SHISAL1: variants seen among roughly 807,000 people sequenced by gnomAD.
The protein encoded by SHISAL1 is protein shisa-like-1.
In SHISAL1, 9 loss-of-function variants were observed where a neutral mutation model predicts 22.6. The ratio of observed to expected loss-of-function variants is 0.40; its 90% CI spans 0.24 to 0.70. SHISAL1 has a LOEUF of 0.70. Among genes scored for constraint, SHISAL1 ranks in the 30% least tolerant of loss-of-function variants. SHISAL1 has a pLI of 0.39. For missense variants in SHISAL1, 246 were observed against 270.6 expected (o/e 0.91, Z 0.64); for synonymous variants, 119 against 115.4 (o/e 1.03, Z -0.20).
At chr22:44,270,301 G>A (rs1234680543) in intron 4 of SHISAL1, among the ~76,000 whole-genome samples, 4 of 152,340 alleles carry the variant, frequency 2.6e-5, no homozygotes, top group Non-Finnish European at 4.4e-5. Context: ...CATGGCTTTG[G>A]GGAGGAGGTA....
chr22:44,283,291 T>C (rs1213930397), intron 4 of SHISAL1, among the ~76,000 whole-genome samples: 1 of 152,202 alleles, frequency 6.6e-6, no homozygotes, highest in Non-Finnish European at 1.5e-5. Context: ...ACGAAGAGCC[T>C]CTGAGCTCCA....
At chr22:44,257,371 T>G (rs1336983352) in intron 4 of SHISAL1, among the ~76,000 whole-genome samples, 1 of 152,164 alleles carries the variant, frequency 6.6e-6, no homozygotes, top group African/African-American at 2.4e-5. Flanking sequence ...CAGAGACCAA[T>G]CAGGCTCAGA....
In SHISAL1 at chr22:44,265,123, C is replaced by T. The variant is rs527619771; in HGVS notation, c.*-15438G>A. On this transcript the variant is annotated intron_variant, in intron 4 of 4. Transcript: ENST00000381176. ...TGATTCTACATTGAGGCCTGTGGTA[C>T]GCAGCCCTAAGATGGCCTCCAAAGA... Among the ~76,000 whole-genome samples the T allele has an allele frequency of 5.9e-5, 9 of 152,288 alleles. No individual in the cohort carries two copies. In the South Asian group the frequency reaches 1.0e-3, roughly 18 times the overall value.
chr22:44,312,225 C>A (rs901226068), intron 1 of SHISAL1, among the ~76,000 whole-genome samples: 2 of 152,194 alleles, frequency 1.3e-5, no homozygotes, highest in African/African-American at 4.8e-5. Context: ...ATTCATTCAT[C>A]TATTCACTTA....
At chr22:44,316,590 A>T (rs992219145), upstream of SHISAL1, among the ~76,000 whole-genome samples, 1 of 152,118 alleles carries the variant, frequency 6.6e-6, no homozygotes, top group Non-Finnish European at 1.5e-5. Flanking sequence ...TTCCAATAAA[A>T]CTTTATTCAC....
intron 4 of SHISAL1, among the ~76,000 whole-genome samples, chr22:44,273,170 G>A (rs560599576): frequency 6.6e-6 from 1 of 152,306 alleles, no homozygotes; most frequent in African/African-American, 2.4e-5. Context: ...GTGAGATTAT[G>A]TGAGGAGGTA....
At chr22:44,266,530 G>GTA (rs1555926276) in intron 4 of SHISAL1, among the ~76,000 whole-genome samples, 1 of 124,126 alleles carries the variant, frequency 8.1e-6, no homozygotes, top group African/African-American at 4.5e-5. Context: ...TTTGGGGTAT[G>GTA]TGTGTGTGTG....
chr22:44,285,564 C>T lies in SHISAL1; in HGVS notation c.463G>A (p.Ala155Thr). The stretch of plus-strand genomic sequence containing the variant: ...GGGGCCCGCTGACCCGGCCGAGGGG[C>T]CCGAGCGGGGTTCCCCCACCGCCGG... ...DPRRWGNPAR[A>T]PRPGQRAPQP... is the part of the protein sequence containing the mutation. The change falls in exon 4 of 5, where the codon GCC becomes ACC. Residue 155 changes from alanine to threonine, a missense_variant. By Grantham distance (58) the Ala-to-Thr change is moderately conservative. Transcript: ENST00000381176. 6.2e-7 allele frequency: 1 copy of T among 1,610,636 alleles called. No homozygotes were observed. Among genetic ancestry groups the T allele is most frequent in the Non-Finnish European group, 8.5e-7 (1 of 1,177,130 alleles).
the SHISAL1 span, among the ~76,000 whole-genome samples, chr22:44,318,881 C>T: frequency 6.6e-6 from 1 of 152,240 alleles, no homozygotes; most frequent in African/African-American, 2.4e-5. Flanking sequence ...TCATATGTGG[C>T]AGACTTGGGA....
chr22:44,270,559 C>A lies in SHISAL1; in HGVS notation c.599+14869G>T, dbSNP rs374532008. Among the ~76,000 whole-genome samples the A allele has an allele frequency of 2.1e-4, 32 of 152,244 alleles. No homozygotes were observed. The East Asian group carries it at 3.3e-3, about 16-fold the overall frequency. On this transcript the variant is annotated intron_variant, in intron 4 of 4. Coordinates refer to ENST00000381176, the MANE Select transcript of SHISAL1 (RefSeq NM_001099294.2). The stretch of plus-strand genomic sequence containing the variant: ...GGACCTTGGAGGCTTACAGAAGGGA[C>A]ACTCAGCAGTGCCGGGCAGGGAGGC...
At chr22:44,288,352 A>G (rs2055330407) in intron 3 of SHISAL1, among the ~76,000 whole-genome samples, 1 of 152,210 alleles carries the variant, frequency 6.6e-6, no homozygotes, top group Admixed American at 6.5e-5. Context: ...AAGCTGCTCC[A>G]GGGGCCAGGC....
In SHISAL1 at chr22:44,249,339, A is replaced by T; in HGVS notation, c.*346T>A. 1 of 274,904 alleles carries T rather than the reference A, an allele frequency of 3.6e-6. No individual in the cohort carries two copies. The highest frequency in any genetic ancestry group is 6.9e-6 in the Non-Finnish European group (1 of 144,920). 17.0% of individuals were successfully genotyped at this position (274,904 alleles called of 1,614,324 possible). On this transcript the variant is annotated 3_prime_UTR_variant, in exon 5 of 5. Coordinates refer to ENST00000381176, the MANE Select transcript of SHISAL1 (RefSeq NM_001099294.2). ...CGGTTTTCAACCACAGGTATAACTC[A>T]CAGGCCTCAATCCTCCTGGCTGGAA... is the stretch of plus-strand genomic sequence containing the variant.
intron 4 of SHISAL1, among the ~76,000 whole-genome samples, chr22:44,271,721 C>G (rs2055206846): frequency 6.6e-6 from 1 of 152,166 alleles, no homozygotes; most frequent in South Asian, 2.1e-4. Context: ...ATTAAGGGCC[C>G]CTGAACTAAA....
At chr22:44,254,141 G>A (rs1271413505) in intron 4 of SHISAL1, among the ~76,000 whole-genome samples, 5 of 152,022 alleles carry the variant, frequency 3.3e-5, no homozygotes, top group Admixed American at 2.6e-4. Context: ...CCTGTGGGAT[G>A]CAGCCGAGCC....
intron 1 of SHISAL1, among the ~76,000 whole-genome samples, chr22:44,305,690 T>C (rs1223606701): frequency 6.6e-6 from 1 of 152,226 alleles, no homozygotes; most frequent in Non-Finnish European, 1.5e-5. Flanking sequence ...CACAGCACGC[T>C]GTGGTTGCGC....
chr22:44,329,899 G>T, the SHISAL1 span, among the ~76,000 whole-genome samples: 2 of 152,174 alleles, frequency 1.3e-5, no homozygotes, highest in African/African-American at 2.4e-5. Context: ...AAGTCCCAAT[G>T]GTTACCCCTG....
At chr22:44,316,357 C>T (rs559050660), upstream of SHISAL1, among the ~76,000 whole-genome samples, 8 of 140,958 alleles carry the variant, frequency 5.7e-5, no homozygotes, top group Non-Finnish European at 1.0e-4. Context: ...GAGAGATCCC[C>T]GGAAGTGGCT....
At chr22:44,251,411 A>C (rs1251688711) in intron 4 of SHISAL1, among the ~76,000 whole-genome samples, 3 of 152,240 alleles carry the variant, frequency 2.0e-5, no homozygotes, top group Non-Finnish European at 2.9e-5. Flanking sequence ...AGGCAAATCA[A>C]GAATGATTCA....
At chr22:44,275,513 G>C (rs572301069) in intron 4 of SHISAL1, among the ~76,000 whole-genome samples, 1 of 152,324 alleles carries the variant, frequency 6.6e-6, no homozygotes, top group South Asian at 2.1e-4. Context: ...TCCTGCCTGG[G>C]GGATGGGTGA....
Sources: gnomAD v4.1 joint callset for allele counts (sites outside exome capture counted in the v4.1 genomes callset) on GRCh38, gnomAD v4.1.1 for gene constraint, MANE v1.5 for transcripts, NCBI Gene and HGNC (gene_info 2026-07-23, HGNC 2026-07-21) for gene names.